The following KLHL32 variants were observed in gnomAD, a reference collection of about 807,000 sequenced individuals.
KLHL32 encodes kelch-like protein 32.
Under a neutral mutation model 64.8 loss-of-function variants are expected in KLHL32, and 35 were observed. The ratio of observed to expected loss-of-function variants is 0.54; its 90% CI spans 0.41 to 0.72. The LOEUF is 0.72. KLHL32 is among the 30% of genes least tolerant of loss of function. The pLI is 0.00. For missense variants in KLHL32, 589 were observed against 768.5 expected (o/e 0.77, Z 2.76); for synonymous variants, 259 against 281.0 (o/e 0.92, Z 0.78).
At chr6:96,916,247 G>T in the KLHL32 span, among the ~76,000 whole-genome samples, 1 of 152,202 alleles carries the variant, frequency 6.6e-6, no homozygotes, top group South Asian at 2.1e-4. Flanking sequence ...AAATATGGCT[G>T]CTAGGATTGG....
chr6:97,073,422 A>G (rs769759204), intron 5 of KLHL32, among the ~76,000 whole-genome samples: 2 of 152,220 alleles, frequency 1.3e-5, no homozygotes, highest in African/African-American at 2.4e-5. Context: ...TAATAAAATA[A>G]TGCTTTGACA....
Position 96,924,795 on chromosome 6 carries a change from A to G in KLHL32, c.-297A>G, listed in dbSNP as rs1445848655. ...CGCAGGCAGTCGCGCGCACACACGC[A>G]CGCAGGCACACACACACACACACAC... On this transcript the variant is annotated 5_prime_UTR_variant, in exon 1 of 11. Transcript: ENST00000369261. 8.7e-6 allele frequency: 1 copy of G among 114,528 alleles called. No individual in the cohort carries two copies. Among genetic ancestry groups the G allele is most frequent in the Non-Finnish European group, 1.7e-5 (1 of 57,780 alleles). The allele number at this position is 114,528 out of a possible 1,614,324, so 7.1% of individuals were successfully genotyped here.
At chr6:97,010,909 T>C (rs1780323797) in intron 3 of KLHL32, among the ~76,000 whole-genome samples, 1 of 152,232 alleles carries the variant, frequency 6.6e-6, no homozygotes, top group East Asian at 1.9e-4. Flanking sequence ...AGTTTACTAT[T>C]CTTTACTGGA....
chr6:97,044,350 C>T (rs950033696), intron 4 of KLHL32, among the ~76,000 whole-genome samples: 1 of 151,948 alleles, frequency 6.6e-6, no homozygotes, highest in East Asian at 1.9e-4. Context: ...ATAAATCTCC[C>T]TTGATCATAG....
chr6:97,105,626 C>G, intron 6 of KLHL32: 1 of 402,630 alleles, frequency 2.5e-6, no homozygotes, highest in Non-Finnish European at 5.0e-6. Context: ...TACATAGGAA[C>G]ATAATAATAG....
At chr6:96,994,693 C>G in intron 3 of KLHL32, 1 of 901,336 alleles carries the variant, frequency 1.1e-6, no homozygotes, top group Non-Finnish European at 1.3e-6. Context: ...TTCCTGTGAT[C>G]ATCACCATTT....
At chr6:97,110,735 A>T (rs1325781974) in intron 6 of KLHL32, among the ~76,000 whole-genome samples, 1 of 152,352 alleles carries the variant, frequency 6.6e-6, no homozygotes, top group East Asian at 1.9e-4. Flanking sequence ...AAATTGAAGC[A>T]GGATATTTTC....
chr6:96,995,790 G>C (rs138000701), intron 3 of KLHL32, among the ~76,000 whole-genome samples: 1 of 152,074 alleles, frequency 6.6e-6, no homozygotes. Flanking sequence ...CTCTGCCACC[G>C]CGTTAAGTTC....
At chr6:96,942,725 C>T (rs1436508139) in intron 1 of KLHL32, among the ~76,000 whole-genome samples, 2 of 148,568 alleles carry the variant, frequency 1.3e-5, no homozygotes, top group Admixed American at 1.4e-4. Flanking sequence ...ATATTTGATT[C>T]TCAAGGAAGA....
At chr6:97,018,279 C>CT (rs1284245264) in intron 3 of KLHL32, among the ~76,000 whole-genome samples, 1 of 152,034 alleles carries the variant, frequency 6.6e-6, no homozygotes, top group African/African-American at 2.4e-5. Flanking sequence ...AATATGTGAA[C>CT]TGATCAAAGG....
At chr6:96,914,471 T>A in the KLHL32 span, among the ~76,000 whole-genome samples, 1 of 152,134 alleles carries the variant, frequency 6.6e-6, no homozygotes, top group African/African-American at 2.4e-5. Flanking sequence ...TGCTAGCATT[T>A]GAAATGTGGC....
chr6:97,036,944 G>A (rs1463394938), intron 3 of KLHL32, among the ~76,000 whole-genome samples: 1 of 152,172 alleles, frequency 6.6e-6, no homozygotes, highest in Non-Finnish European at 1.5e-5. Flanking sequence ...AGTGGTCAAG[G>A]CAATTTCTGT....
intron 9 of KLHL32, among the ~76,000 whole-genome samples, chr6:97,131,762 G>A (rs769551137): frequency 6.6e-6 from 1 of 152,126 alleles, no homozygotes; most frequent in African/African-American, 2.4e-5. Flanking sequence ...GCAACGCTGG[G>A]AATCTAATCA....
intron 3 of KLHL32, among the ~76,000 whole-genome samples, chr6:97,027,166 A>T (rs1000548050): frequency 2.6e-5 from 4 of 151,540 alleles, no homozygotes; most frequent in Non-Finnish European, 4.4e-5. Context: ...CCTCTCAAAA[A>T]AAAAAAAAAA....
intron 2 of KLHL32, among the ~76,000 whole-genome samples, chr6:96,972,882 G>A (rs1179320365): frequency 6.6e-6 from 1 of 152,190 alleles, no homozygotes; most frequent in Non-Finnish European, 1.5e-5. Context: ...TTGACTTGGT[G>A]AAGTGGGCGT....
the KLHL32 span, among the ~76,000 whole-genome samples, chr6:96,916,624 A>G: frequency 6.6e-5 from 10 of 152,272 alleles, no homozygotes; most frequent in South Asian, 2.1e-4. Context: ...ATTCTTTTCT[A>G]TGAAGGCCTC....
intron 4 of KLHL32, among the ~76,000 whole-genome samples, chr6:97,062,057 T>C (rs144540420): frequency 6.6e-6 from 1 of 152,074 alleles, no homozygotes; most frequent in African/African-American, 2.4e-5. Flanking sequence ...TTATAATGAG[T>C]GGAAGGAAAA....
intron 8 of KLHL32, among the ~76,000 whole-genome samples, chr6:97,128,960 C>T (rs1471751829): frequency 1.3e-5 from 2 of 152,152 alleles, no homozygotes; most frequent in South Asian, 2.1e-4. Flanking sequence ...CTAAGAAAAG[C>T]GTCCTCAGAG....
chr6:96,898,406 T>C, the KLHL32 span, among the ~76,000 whole-genome samples: 1 of 152,200 alleles, frequency 6.6e-6, no homozygotes, highest in African/African-American at 2.4e-5. Flanking sequence ...GATGAGTATT[T>C]GTTCTCAGCC....
Sources: gnomAD v4.1 joint callset for allele counts (sites outside exome capture counted in the v4.1 genomes callset) on GRCh38, gnomAD v4.1.1 for gene constraint, MANE v1.5 for transcripts, NCBI Gene and HGNC (gene_info 2026-07-23, HGNC 2026-07-21) for gene names.